The following RASGRP3 variants were observed in gnomAD, a reference collection of about 807,000 sequenced individuals.
The protein encoded by RASGRP3 is ras guanyl-releasing protein 3.
A neutral mutation model predicts 82.7 loss-of-function variants in RASGRP3; 54 were observed. The observed-to-expected ratio is 0.65, with a 90% CI of 0.52 to 0.82. RASGRP3 has a LOEUF of 0.82. Ranked by LOEUF, RASGRP3 falls within the 40% of genes least tolerant of loss-of-function variation. The pLI is 0.00. For missense variants in RASGRP3, 861 were observed against 828.9 expected (o/e 1.04, Z -0.48); for synonymous variants, 309 against 300.5 (o/e 1.03, Z -0.29).
chr2:33,523,298 C>G (rs1286514914), intron 7 of RASGRP3, among the ~76,000 whole-genome samples: 1 of 151,924 alleles, frequency 6.6e-6, no homozygotes, highest in East Asian at 1.9e-4. Context: ...CCCATCTCTA[C>G]TAAAAATACT....
At chr2:33,520,191 G>C (rs1486674043) in intron 5 of RASGRP3, among the ~76,000 whole-genome samples, 177 bp downstream of exon 5, 1 of 152,060 alleles carries the variant, frequency 6.6e-6, no homozygotes, top group Non-Finnish European at 1.5e-5. Context: ...ACTATCTTTT[G>C]GACTAGAGAT....
Position 33,564,594 on chromosome 2 carries a change from G to T in RASGRP3, c.*1857G>T, listed in dbSNP as rs1049420051. On this transcript the variant is annotated 3_prime_UTR_variant, in exon 18 of 18. Coordinates refer to ENST00000403687, the MANE Select transcript of RASGRP3 (RefSeq NM_001139488.2). ...TTAATAAACATTGTACTGTTCTTTT[G>T]CTTCTCAAAGGAATTATTCACTTGC... The T allele has an allele frequency of 1.3e-5, 2 of 152,148 alleles. No individual in the cohort carries two copies. The highest frequency in any genetic ancestry group is 2.9e-5 in the Non-Finnish European group (2 of 68,012). 9.4% of individuals were successfully genotyped at this position (152,148 alleles called of 1,614,324 possible).
At chr2:33,490,851 G>C (rs1452522985) in intron 1 of RASGRP3, among the ~76,000 whole-genome samples, 1 of 152,192 alleles carries the variant, frequency 6.6e-6, no homozygotes, top group Non-Finnish European at 1.5e-5. Flanking sequence ...GGCCTGTTTA[G>C]TTCACTGCCG....
At chr2:33,546,976 G>A (rs1177655790) in intron 13 of RASGRP3, among the ~76,000 whole-genome samples, 1 of 148,436 alleles carries the variant, frequency 6.7e-6, no homozygotes, top group Non-Finnish European at 1.5e-5. Context: ...TTGAACCCAA[G>A]AGGGAGAGGT....
At position 33,520,685 on chromosome 2, in the gene RASGRP3, G is replaced by T; in HGVS notation, c.368+1G>T. The stretch of plus-strand genomic sequence containing the variant: ...TCAGCCTCATCGACATATCCAGCAT[G>T]TAAGAGTGGCACCGACGTCTTTCAC... On this transcript the variant is annotated splice_donor_variant, in intron 6 of 17. Coordinates refer to ENST00000403687, the MANE Select transcript of RASGRP3 (RefSeq NM_001139488.2). LOFTEE classifies it high-confidence loss of function. The T allele has an allele frequency of 6.2e-7, 1 of 1,613,882 alleles. No homozygotes were observed. Among genetic ancestry groups the T allele is most frequent in the Non-Finnish European group, 8.5e-7 (1 of 1,179,802 alleles).
At chr2:33,526,064 C>G (rs571692912) in intron 9 of RASGRP3, among the ~76,000 whole-genome samples, 1 of 152,354 alleles carries the variant, frequency 6.6e-6, no homozygotes, top group African/African-American at 2.4e-5. Context: ...CTCACTTCAA[C>G]TCTTCACCCA....
chr2:33,550,334 G>T (rs1675237153), intron 14 of RASGRP3, among the ~76,000 whole-genome samples: 2 of 152,152 alleles, frequency 1.3e-5, no homozygotes, highest in Non-Finnish European at 2.9e-5. Context: ...TGCTTATGAA[G>T]ATAGAGGTTC....
intron 1 of RASGRP3, among the ~76,000 whole-genome samples, chr2:33,501,070 A>G (rs1669828139): frequency 1.3e-5 from 2 of 152,244 alleles, no homozygotes; most frequent in South Asian, 4.1e-4. Flanking sequence ...ACTGCAGTCA[A>G]TTCCCATTCC....
intron 1 of RASGRP3, among the ~76,000 whole-genome samples, chr2:33,491,936 T>A (rs1333382674): frequency 6.6e-6 from 1 of 152,044 alleles, no homozygotes; most frequent in Admixed American, 6.5e-5. Context: ...CAAAGTGGAG[T>A]AGGAAGCAAC....
intron 1 of RASGRP3, among the ~76,000 whole-genome samples, chr2:33,501,632 C>T (rs1427765952): frequency 6.6e-6 from 1 of 152,182 alleles, no homozygotes; most frequent in South Asian, 2.1e-4. Context: ...GTCTCCAAAC[C>T]CTACTCCCTT....
In RASGRP3 at chr2:33,555,549, C is replaced by G; in HGVS notation, c.1561C>G (p.Gln521Glu). Residue 521 changes from glutamine to glutamate, a missense_variant, in exon 15 of 18, where the codon CAA (glutamine) becomes GAA (glutamate). Gln to Glu is a conservative substitution (Grantham distance 29). Transcript: ENST00000403687. ...GTTACAGCTCTGGGGCATAATCAAG[C>G]AAGGATACAAATGCAAAGGTAAATC... ...CAGFLWGIIK[Q>E]GYKCKDCGAN... 2 of 1,597,996 alleles carry G rather than the reference C, an allele frequency of 1.3e-6. No individual in the cohort carries two copies. The highest frequency in any genetic ancestry group is 1.7e-6 in the Non-Finnish European group (2 of 1,168,082).
intron 1 of RASGRP3, among the ~76,000 whole-genome samples, chr2:33,509,815 G>A (rs6729792): frequency 0.81 from 123,166 of 152,180 alleles, 50,031 homozygotes; most frequent in African/African-American, 0.88. Context: ...TATTCTGTTC[G>A]GTGTCTGGTG....
At chr2:33,548,848 C>T (rs1675097114) in intron 13 of RASGRP3, among the ~76,000 whole-genome samples, 1 of 152,040 alleles carries the variant, frequency 6.6e-6, no homozygotes, top group Admixed American at 6.6e-5. Context: ...ACCACCACGT[C>T]CAGCTAATTT....
Position 33,552,021 on chromosome 2 carries a change from ACAAAC to A in RASGRP3, c.1542+2271_1542+2275del, listed in dbSNP as rs1252945686. On this transcript the variant is annotated intron_variant, in intron 14 of 17. Coordinates refer to ENST00000403687, the MANE Select transcript of RASGRP3 (RefSeq NM_001139488.2). ...AACAAACAAACAAACAAACAAACAAACAAACAGAGAAACAAACTCAAGATCTTATC... is the reference window on the plus strand; with the variant it reads ...AACAAACAAACAAACAAACAAACAAAAGAGAAACAAACTCAAGATCTTATC... Among the ~76,000 whole-genome samples, 325 of 96,786 alleles carry A rather than the reference ACAAAC, an allele frequency of 3.4e-3. 2 individuals are homozygous for A. The highest frequency in any genetic ancestry group is 0.012 in the African/African-American group (306 of 24,812). The allele number at this position is 96,786 out of a possible 152,430, so 63.5% of individuals were successfully genotyped here.
At chr2:33,476,626 A>G (rs948254831), upstream of RASGRP3, 2 of 152,282 alleles carry the variant, frequency 1.3e-5, no homozygotes, top group African/African-American at 4.8e-5. Flanking sequence ...TGAAGGAAAC[A>G]GCTGCTCTCG....
chr2:33,505,901 A>C (rs1466627437), intron 1 of RASGRP3, among the ~76,000 whole-genome samples: 1 of 152,158 alleles, frequency 6.6e-6, no homozygotes. Context: ...CCTTGGTGGG[A>C]CTTTGGAATT....
intron 2 of RASGRP3, among the ~76,000 whole-genome samples, chr2:33,457,628 G>A (rs773475112): frequency 6.6e-6 from 1 of 151,428 alleles, no homozygotes; most frequent in Non-Finnish European, 1.5e-5. Flanking sequence ...ATCCTGATGC[G>A]GAATGCATTA....
chr2:33,541,368 A>G (rs1385621695), intron 12 of RASGRP3, among the ~76,000 whole-genome samples: 2 of 147,034 alleles, frequency 1.4e-5, no homozygotes, highest in African/African-American at 2.4e-5. Context: ...TATACTACAT[A>G]CATATATACA....
intron 11 of RASGRP3, 97 bp from the exon 12 acceptor site, chr2:33,538,997 C>T: frequency 1.2e-6 from 1 of 814,914 alleles, no homozygotes; most frequent in South Asian, 1.8e-5. Flanking sequence ...CGAAATTACA[C>T]CACTGCACTC....
Sources: gnomAD v4.1 joint callset for allele counts (sites outside exome capture counted in the v4.1 genomes callset) on GRCh38, gnomAD v4.1.1 for gene constraint, MANE v1.5 for transcripts, NCBI Gene and HGNC (gene_info 2026-07-23, HGNC 2026-07-21) for gene names.